The following RFFL variants were observed in gnomAD, a reference collection of about 807,000 sequenced individuals.
RFFL encodes E3 ubiquitin-protein ligase rififylin.
RFFL carries 16 observed loss-of-function variants against 40.4 expected under a neutral mutation model. The ratio of observed to expected loss-of-function variants is 0.40; its 90% CI spans 0.27 to 0.60. The LOEUF is 0.60. Ranked by LOEUF, RFFL falls within the 20% of genes least tolerant of loss-of-function variation. The pLI is 0.47. For missense variants in RFFL, 367 were observed against 451.7 expected (o/e 0.81, Z 1.70); for synonymous variants, 154 against 167.9 (o/e 0.92, Z 0.64).
Position 35,017,556 on chromosome 17 carries a change from G to A in RFFL, c.642C>T (p.Ser214=), listed in dbSNP as rs1412389691. ...QDQEEPVYLE[S]VARVPAEDET... ...CATCCTCAGCAGGTACTCTGGCCACGCTCTCCAGGTAGACGGGTTCCTCTT... is the reference window on the plus strand; with the variant it reads ...CATCCTCAGCAGGTACTCTGGCCACACTCTCCAGGTAGACGGGTTCCTCTT... The change falls in exon 4 of 7, where the codon AGC becomes AGT. Residue 214 remains serine, a synonymous_variant. Coordinates refer to ENST00000394597, the MANE Select transcript of RFFL (RefSeq NM_001017368.2). 3 of 1,611,488 alleles carry A rather than the reference G, an allele frequency of 1.9e-6. No homozygotes were observed. The highest frequency in any genetic ancestry group is 2.5e-6 in the Non-Finnish European group (3 of 1,178,706).
intron 1 of RFFL, among the ~76,000 whole-genome samples, chr17:35,031,096 G>A (rs1230129321): frequency 1.3e-5 from 2 of 152,016 alleles, no homozygotes; most frequent in Non-Finnish European, 2.9e-5. Context: ...AAGAGGACAA[G>A]GTTGTAGGCA....
intron 6 of RFFL, among the ~76,000 whole-genome samples, chr17:35,012,399 G>A (rs1431672398): frequency 6.6e-6 from 1 of 152,148 alleles, no homozygotes; most frequent in Non-Finnish European, 1.5e-5. Flanking sequence ...CAGCACTTGT[G>A]GATCAGACAC....
chr17:35,030,176 G>A (rs1286953824), intron 1 of RFFL, among the ~76,000 whole-genome samples: 2 of 149,682 alleles, frequency 1.3e-5, no homozygotes, highest in East Asian at 1.9e-4. Flanking sequence ...CTTTATAGCA[G>A]CATGATTTAT....
intron 1 of RFFL, chr17:35,077,008 G>A: frequency 3.4e-6 from 1 of 295,072 alleles, no homozygotes; most frequent in Non-Finnish European, 7.0e-6. Flanking sequence ...TTCATCTTAA[G>A]AATTTCAACA....
At chr17:35,065,597 G>C (rs1221471644), upstream of RFFL, among the ~76,000 whole-genome samples, 1 of 150,840 alleles carries the variant, frequency 6.6e-6, no homozygotes, top group African/African-American at 2.4e-5. Flanking sequence ...AATCCAGACA[G>C]TACTATGCCC....
Position 35,011,905 on chromosome 17 carries a change from A to G in RFFL, c.*63T>C, listed in dbSNP as rs2090940752. The G allele has an allele frequency of 6.5e-7, 1 of 1,546,160 alleles. No homozygotes were observed. Among genetic ancestry groups the G allele is most frequent in the South Asian group, 1.2e-5 (1 of 84,616 alleles). On this transcript the variant is annotated 3_prime_UTR_variant, in exon 7 of 7. Coordinates refer to ENST00000394597, the MANE Select transcript of RFFL (RefSeq NM_001017368.2). ...AGCTTGCTCCTCTGCAAGCTGGCCA[A>G]CCCTGAGCCCAGACACCCCAGGCTA...
chr17:35,080,688 G>T (rs956553670), intron 1 of RFFL, among the ~76,000 whole-genome samples: 1 of 152,144 alleles, frequency 6.6e-6, no homozygotes, highest in Non-Finnish European at 1.5e-5. Flanking sequence ...CTAACTTCCT[G>T]TAAGTTTCAA....
chr17:35,016,465 C>T lies in RFFL; in HGVS notation c.791G>A (p.Arg264His), dbSNP rs149078628. 32 of 1,614,070 alleles carry T rather than the reference C, an allele frequency of 2.0e-5. No homozygotes were observed. Among genetic ancestry groups the T allele is most frequent in the Non-Finnish European group, 2.4e-5 (28 of 1,180,030 alleles). ...GCAGCCCTTGTAGTTGACAAAGTTG[C>T]GAGCCAAGATCTCTTTCAGCTGCCG... The part of the protein sequence containing the change: ...TVRQLKEILA[R>H]NFVNYKGCCE... Residue 264 changes from arginine (R) to histidine (H), a missense_variant, in exon 5 of 7, where the codon CGC becomes CAC. Physicochemically the swap from Arg to His is conservative, Grantham distance 29. Transcript: ENST00000394597.
chr17:35,079,034 C>T (rs1218590607), intron 1 of RFFL, among the ~76,000 whole-genome samples: 1 of 149,818 alleles, frequency 6.7e-6, no homozygotes, highest in African/African-American at 2.5e-5. Flanking sequence ...TATATCAAAA[C>T]ACACAAACAT....
intron 1 of RFFL, among the ~76,000 whole-genome samples, chr17:35,036,966 G>A (rs959468006): frequency 6.6e-6 from 1 of 152,144 alleles, no homozygotes; most frequent in Admixed American, 6.6e-5. Flanking sequence ...AAAAAACTAA[G>A]GCAGTAAAAA....
At chr17:35,031,551 A>T (rs2091083264) in intron 1 of RFFL, among the ~76,000 whole-genome samples, 1 of 152,030 alleles carries the variant, frequency 6.6e-6, no homozygotes, top group Non-Finnish European at 1.5e-5. Context: ...GGGTACTAGA[A>T]ATGTAAACCA....
chr17:35,029,342 T>TTA (rs2091065630), intron 1 of RFFL, among the ~76,000 whole-genome samples: 1 of 142,140 alleles, frequency 7.0e-6, no homozygotes, highest in Non-Finnish European at 1.5e-5. Context: ...ATTTTGTAGT[T>TTA]TTTTTTTTTT....
At chr17:35,035,823 C>A (rs1480231004) in intron 1 of RFFL, among the ~76,000 whole-genome samples, 3 of 151,996 alleles carry the variant, frequency 2.0e-5, no homozygotes, top group African/African-American at 7.2e-5. Context: ...CCTGCCTCAG[C>A]CTCCTGCGTA....
At chr17:35,060,403 A>C (rs1005030483) in intron 1 of RFFL, among the ~76,000 whole-genome samples, 5 of 152,196 alleles carry the variant, frequency 3.3e-5, no homozygotes, top group African/African-American at 1.2e-4. Flanking sequence ...TTTAACTACT[A>C]TATTAAGAGA....
intron 1 of RFFL, among the ~76,000 whole-genome samples, chr17:35,029,092 TTCTC>T (rs1354070759): frequency 3.3e-5 from 5 of 151,984 alleles, no homozygotes; most frequent in Admixed American, 2.6e-4. Context: ...TCAGAAACAT[TTCTC>T]TCTGACTCAA....
chr17:35,048,296 G>C (rs1346365675), intron 1 of RFFL, among the ~76,000 whole-genome samples: 2 of 151,794 alleles, frequency 1.3e-5, no homozygotes, highest in South Asian at 2.1e-4. Context: ...CAGCTGCTTG[G>C]GAGGTTGAGA....
Position 35,007,377 on chromosome 17 carries a change from C to G in RFFL, c.*4591G>C, listed in dbSNP as rs527304466. The G allele has an allele frequency of 6.0e-4, 92 of 152,270 alleles. No homozygotes were observed. The highest frequency in any genetic ancestry group is 2.1e-3 in the African/African-American group (88 of 41,546). The allele number at this position is 152,270 out of a possible 1,614,324, so 9.4% of individuals were successfully genotyped here. ...TTTGTATCCTTTCATGTATTTCTTT[C>G]ATGTATTTCAATGCAGCCCTCAACA... On this transcript the variant is annotated 3_prime_UTR_variant, in exon 7 of 7. Coordinates refer to ENST00000394597, the MANE Select transcript of RFFL (RefSeq NM_001017368.2).
chr17:35,050,337 A>C (rs893521372), intron 1 of RFFL, among the ~76,000 whole-genome samples: 2 of 152,130 alleles, frequency 1.3e-5, no homozygotes, highest in Non-Finnish European at 2.9e-5. Context: ...GAGGAGAATC[A>C]CTTGAGGCCA....
intron 1 of RFFL, among the ~76,000 whole-genome samples, chr17:35,038,390 C>T (rs972024858): frequency 1.1e-4 from 17 of 152,078 alleles, no homozygotes; most frequent in African/African-American, 3.4e-4. Context: ...TGTGTGCGCG[C>T]GCGTGCATAT....
Sources: allele counts gnomAD v4.1 joint callset (sites outside exome capture counted in the v4.1 genomes callset), GRCh38; gene constraint gnomAD v4.1.1; transcripts MANE v1.5; gene names NCBI Gene and HGNC (gene_info 2026-07-23, HGNC 2026-07-21).